The following ABI1 variants were observed in gnomAD, a reference collection of about 807,000 sequenced individuals.
ABI1 encodes the protein abl interactor 1.
Under a neutral mutation model 54.6 loss-of-function variants are expected in ABI1, and 14 were observed. That is an observed-to-expected ratio of 0.26 (90% CI 0.17 to 0.40). ABI1 has a LOEUF of 0.40. ABI1 is among the 10% of genes least tolerant of loss of function. ABI1 has a pLI of 1.00. For synonymous variants in ABI1, 194 were observed against 209.3 expected (o/e 0.93, Z 0.63); for missense variants, 443 against 598.3 (o/e 0.74, Z 2.71).
intron 3 of ABI1, among the ~76,000 whole-genome samples, chr10:26,774,024 T>A (rs1010098122): frequency 1.2e-4 from 18 of 152,190 alleles, no homozygotes; most frequent in African/African-American, 4.1e-4. Context: ...CCTTGGTATA[T>A]CAAGGAGGCT....
chr10:26,762,960 C>G (rs1351621846), intron 7 of ABI1, among the ~76,000 whole-genome samples: 4 of 152,198 alleles, frequency 2.6e-5, no homozygotes, highest in Non-Finnish European at 4.4e-5. Context: ...CACATCCTCA[C>G]CAACACTGGT....
chr10:26,769,697 C>A (rs1350463601), intron 5 of ABI1, among the ~76,000 whole-genome samples: 2 of 152,178 alleles, frequency 1.3e-5, no homozygotes, highest in African/African-American at 4.8e-5. Context: ...GTTATCTTTT[C>A]TACTTGCCCA....
chr10:26,767,763 A>C (rs973672215), intron 6 of ABI1, among the ~76,000 whole-genome samples: 1 of 152,144 alleles, frequency 6.6e-6, no homozygotes, highest in Non-Finnish European at 1.5e-5. Flanking sequence ...TAATAAATAC[A>C]AGGCCAGGAG....
intron 2 of ABI1, among the ~76,000 whole-genome samples, chr10:26,783,457 C>T (rs1303848792): frequency 6.6e-6 from 1 of 152,146 alleles, no homozygotes; most frequent in Non-Finnish European, 1.5e-5. Context: ...TGTATTTTGC[C>T]ACAATTTTAA....
At chr10:26,763,887 A>G (rs1263186271) in intron 7 of ABI1, 1 of 1,612,504 alleles carries the variant, frequency 6.2e-7, no homozygotes, top group African/African-American at 1.3e-5. Context: ...CACCTATCAC[A>G]GTGCTCACTG....
At chr10:26,851,883 A>G (rs1415227360) in intron 1 of ABI1, among the ~76,000 whole-genome samples, 1 of 152,244 alleles carries the variant, frequency 6.6e-6, no homozygotes, top group African/African-American at 2.4e-5. Flanking sequence ...GGAGAAAAAA[A>G]TTAAAATAGT....
In ABI1 at chr10:26,858,330, C is replaced by G. The variant is rs114456503; in HGVS notation, c.117+2417G>C. Among the ~76,000 whole-genome samples, 431 of 152,152 alleles carry G rather than the reference C, an allele frequency of 2.8e-3. 1 individual carries two copies. The highest frequency in any genetic ancestry group is 9.5e-3 in the African/African-American group (395 of 41,516). On this transcript the variant is annotated intron_variant, in intron 1 of 10. Coordinates refer to ENST00000376140, the MANE Select transcript of ABI1 (RefSeq NM_001012750.3). Reference sequence around the variant, plus strand: ...GCAGCACCACCTACCACATCAACTTCCACATCACTTTCTGAGCCTGACCCT... The same window carrying G: ...GCAGCACCACCTACCACATCAACTTGCACATCACTTTCTGAGCCTGACCCT...
intron 2 of ABI1, among the ~76,000 whole-genome samples, chr10:26,820,393 A>G (rs2047892287): frequency 6.6e-6 from 1 of 152,186 alleles, no homozygotes; most frequent in Non-Finnish European, 1.5e-5. Context: ...TATTTTTCTG[A>G]CCAGTAAGAA....
intron 1 of ABI1, among the ~76,000 whole-genome samples, chr10:26,823,533 A>T (rs2133805970): frequency 6.6e-6 from 1 of 152,284 alleles, no homozygotes; most frequent in South Asian, 2.1e-4. Flanking sequence ...TAAAGGGGCC[A>T]CTAACTGTAG....
chr10:26,801,536 G>A (rs563031706), intron 2 of ABI1, among the ~76,000 whole-genome samples: 3 of 150,640 alleles, frequency 2.0e-5, no homozygotes, highest in African/African-American at 7.3e-5. Flanking sequence ...GATAGGACCA[G>A]AACTTGTCTC....
At chr10:26,846,496 C>G (rs2049990312) in intron 1 of ABI1, among the ~76,000 whole-genome samples, 1 of 151,992 alleles carries the variant, frequency 6.6e-6, no homozygotes, top group Non-Finnish European at 1.5e-5. Flanking sequence ...GCAAGCACCA[C>G]CATGTCTGGC....
intron 10 of ABI1, among the ~76,000 whole-genome samples, chr10:26,749,248 T>C (rs1289127757): frequency 6.6e-6 from 1 of 152,212 alleles, no homozygotes; most frequent in East Asian, 1.9e-4. Context: ...AAAGAATATT[T>C]ACTTACTTTA....
chr10:26,792,582 A>C (rs896496692), intron 2 of ABI1, among the ~76,000 whole-genome samples: 3 of 152,204 alleles, frequency 2.0e-5, no homozygotes, highest in Non-Finnish European at 2.9e-5. Context: ...AAATTAGGAG[A>C]CCAAATTTGA....
intron 2 of ABI1, among the ~76,000 whole-genome samples, chr10:26,777,863 A>T (rs1841615725): frequency 6.6e-6 from 1 of 151,798 alleles, no homozygotes; most frequent in African/African-American, 2.4e-5. Context: ...GTGATGCAGA[A>T]CCTCCCCACA....
intron 2 of ABI1, among the ~76,000 whole-genome samples, chr10:26,795,507 T>C (rs933117994): frequency 6.6e-6 from 1 of 151,668 alleles, no homozygotes; most frequent in African/African-American, 2.4e-5. Context: ...ACCCCAAAGA[T>C]CCCACAGAAA....
chr10:26,817,514 G>A (rs1028178769), intron 2 of ABI1, among the ~76,000 whole-genome samples: 12 of 152,204 alleles, frequency 7.9e-5, no homozygotes, highest in African/African-American at 1.7e-4. Context: ...GCACATGTCC[G>A]TAGTCCCAGC....
chr10:26,748,766 A>G (rs1015739448), intron 10 of ABI1, 21 bp from the exon 11 acceptor site: 5 of 1,582,900 alleles, frequency 3.2e-6, no homozygotes, highest in Non-Finnish European at 4.3e-6. Flanking sequence ...AACAGTTGAA[A>G]TATCACATGA....
At chr10:26,763,532 C>T (rs1294556615) in intron 7 of ABI1, among the ~76,000 whole-genome samples, 1 of 152,148 alleles carries the variant, frequency 6.6e-6, no homozygotes, top group African/African-American at 2.4e-5. Flanking sequence ...CACCTTCACC[C>T]TGATCCTTTG....
Position 26,759,363 on chromosome 10 carries a change from C to T in ABI1, c.821-125G>A, listed in dbSNP as rs537070720. 18 of 600,670 alleles carry T rather than the reference C, an allele frequency of 3.0e-5. No individual in the cohort carries two copies. The African/African-American group carries it at 3.5e-4, about 12-fold the overall frequency. The allele number at this position is 600,670 out of a possible 1,614,324, so 37.2% of individuals were successfully genotyped here. On this transcript the variant is annotated intron_variant, in intron 7 of 10. Transcript: ENST00000376140. ...TTATTACTTTTTCAAGACCAAGGCA[C>T]AAAATAAAGAGAAAAGTAAAGATAA...
Sources: allele counts gnomAD v4.1 joint callset (sites outside exome capture counted in the v4.1 genomes callset), GRCh38; gene constraint gnomAD v4.1.1; transcripts MANE v1.5; gene names NCBI Gene and HGNC (gene_info 2026-07-23, HGNC 2026-07-21).